Variants in PNPLA3 observed in about 807,000 individuals in gnomAD.
The protein encoded by PNPLA3 is 1-acylglycerol-3-phosphate O-acyltransferase PNPLA3.
A neutral mutation model predicts 43.1 loss-of-function variants in PNPLA3; 42 were observed. The observed-to-expected ratio is 0.97, with a 90% CI of 0.76 to 1.26. The LOEUF is 1.26. Ranked by LOEUF, PNPLA3 falls within the 50% of genes most tolerant of loss-of-function variation. PNPLA3 has a pLI of 0.00. For synonymous variants in PNPLA3, 272 were observed against 253.6 expected, an observed-to-expected ratio of 1.07 and a Z score of -0.69; for missense variants, 647 against 621.4, an observed-to-expected ratio of 1.04 and a Z score of -0.44.
At chr22:43,933,587 T>C (rs2049975659) in intron 4 of PNPLA3, among the ~76,000 whole-genome samples, 1 of 151,940 alleles carries the variant, frequency 6.6e-6, no homozygotes, top group East Asian at 1.9e-4. Context: ...TTGCCCAGGC[T>C]GGTCTCACAC....
Position 43,947,507 on chromosome 22 carries a change from G to T in PNPLA3, c.*1125G>T. On this transcript the variant is annotated 3_prime_UTR_variant, in exon 9 of 9. Coordinates refer to ENST00000216180, the MANE Select transcript of PNPLA3 (RefSeq NM_025225.3). ...CCTGGCTTATTTTCTGCAGGGACCAGCCCCACATGGTCAGTGAGTTTCTCC... is the reference window on the plus strand; with the variant it reads ...CCTGGCTTATTTTCTGCAGGGACCATCCCCACATGGTCAGTGAGTTTCTCC... 6.2e-6 allele frequency: 1 copy of T among 162,356 alleles called. No homozygotes were observed. The highest frequency in any genetic ancestry group is 1.3e-5 in the Non-Finnish European group (1 of 74,678). The allele number at this position is 162,356 out of a possible 1,614,324, so 10.1% of individuals were successfully genotyped here.
intron 7 of PNPLA3, among the ~76,000 whole-genome samples, chr22:43,940,523 A>G (rs1010950811): frequency 6.6e-6 from 1 of 152,228 alleles, no homozygotes; most frequent in African/African-American, 2.4e-5. Flanking sequence ...TTAAAATCAC[A>G]TGAAGGCCGG....
At chr22:43,927,676 G>GGAA (rs1569009410) in intron 2 of PNPLA3, among the ~76,000 whole-genome samples, 1 of 131,362 alleles carries the variant, frequency 7.6e-6, no homozygotes, top group African/African-American at 2.7e-5. Context: ...GGGGGGCGGG[G>GGAA]TACAGAGTCT....
chr22:43,929,337 A>G (rs2049946439), intron 3 of PNPLA3, among the ~76,000 whole-genome samples: 3 of 151,748 alleles, frequency 2.0e-5, no homozygotes, highest in Admixed American at 1.3e-4. Flanking sequence ...TTAGCTGGGC[A>G]TGGTGGTGTG....
intron 7 of PNPLA3, 65 bp from the exon 8 acceptor site, chr22:43,944,626 G>T: frequency 1.5e-6 from 2 of 1,320,250 alleles, no homozygotes; most frequent in Non-Finnish European, 2.2e-6. Context: ...GTAAACAAAG[G>T]GTAGTGTTGT....
chr22:43,938,861 G>T (rs930493859), intron 6 of PNPLA3, among the ~76,000 whole-genome samples: 2 of 152,240 alleles, frequency 1.3e-5, no homozygotes, highest in Non-Finnish European at 2.9e-5. Context: ...TGTAAAGCTG[G>T]TGGTGCCTGA....
Position 43,944,889 on chromosome 22 carries a change from C to T in PNPLA3, c.1217+94C>T, listed in dbSNP as rs1269738505. The T allele has an allele frequency of 2.6e-5, 29 of 1,118,436 alleles. No homozygotes were observed. In the African/African-American group the frequency reaches 2.6e-4, roughly 10 times the overall value. The allele number at this position is 1,118,436 out of a possible 1,614,324, so 69.3% of individuals were successfully genotyped here. On this transcript the variant is annotated intron_variant, in intron 8 of 8. Transcript: ENST00000216180. Reference sequence around the variant, plus strand: ...CATTCTAGAAACAGCTGGCTGAACACCAAGCAAGGAGCTTGCCCTTGGGTG... The same window carrying T: ...CATTCTAGAAACAGCTGGCTGAACATCAAGCAAGGAGCTTGCCCTTGGGTG...
intron 1 of PNPLA3, 85 bp downstream of exon 1, chr22:43,924,183 G>T: frequency 7.5e-7 from 1 of 1,333,590 alleles, no homozygotes; most frequent in Non-Finnish European, 9.7e-7. Flanking sequence ...GGGGTCGCGG[G>T]GCCCTGGAGG....
At chr22:43,944,297 G>A (rs920241278) in intron 7 of PNPLA3, among the ~76,000 whole-genome samples, 7 of 152,116 alleles carry the variant, frequency 4.6e-5, no homozygotes, top group East Asian at 1.9e-4. Context: ...AGGAGGTAGC[G>A]TTCAGACCTC....
chr22:43,944,817 G>T, intron 8 of PNPLA3, 22 bp downstream of exon 8: 1 of 1,598,088 alleles, frequency 6.3e-7, no homozygotes, highest in Non-Finnish European at 8.6e-7. Context: ...GGCTGTGGGT[G>T]TGTGGGCCGG....
intron 3 of PNPLA3, among the ~76,000 whole-genome samples, chr22:43,929,463 G>A (rs1409565840): frequency 2.1e-5 from 3 of 145,436 alleles, no homozygotes; most frequent in South Asian, 4.4e-4. Flanking sequence ...GTGACAGAGC[G>A]AGACTCTATC....
At chr22:43,934,463 GC>G in intron 4 of PNPLA3, 142 bp from the exon 5 acceptor site, 1 of 755,074 alleles carries the variant, frequency 1.3e-6, no homozygotes, top group Non-Finnish European at 2.3e-6. Flanking sequence ...CCTTTGCTCA[GC>G]CCCCAGGTGG....
At chr22:43,926,457 T>C (rs2049922892) in intron 1 of PNPLA3, among the ~76,000 whole-genome samples, 1 of 152,102 alleles carries the variant, frequency 6.6e-6, no homozygotes, top group Non-Finnish European at 1.5e-5. Flanking sequence ...CTGGCCTCTA[T>C]GTGGGGCATG....
intron 6 of PNPLA3, among the ~76,000 whole-genome samples, chr22:43,938,945 A>T (rs554934981): frequency 6.6e-6 from 1 of 152,048 alleles, no homozygotes; most frequent in Non-Finnish European, 1.5e-5. Flanking sequence ...GGTTTTTGAG[A>T]CAGAGTCTCA....
At chr22:43,928,989 C>T in intron 3 of PNPLA3, 100 bp downstream of exon 3, 1 of 1,238,680 alleles carries the variant, frequency 8.1e-7, no homozygotes, top group Admixed American at 1.7e-5. Context: ...ACCTCAGGGT[C>T]TGTCCCATGG....
Position 43,946,519 on chromosome 22 carries a change from T to A in PNPLA3, c.*137T>A, listed in dbSNP as rs2050064553. Reference sequence around the variant, plus strand: ...ATCCCAGCCTCTGAGCTGAGTTGGTTTTATGAAAAGCTAGGAAGCAACCTT... The same window carrying A: ...ATCCCAGCCTCTGAGCTGAGTTGGTATTATGAAAAGCTAGGAAGCAACCTT... On this transcript the variant is annotated 3_prime_UTR_variant, in exon 9 of 9. Coordinates refer to ENST00000216180, the MANE Select transcript of PNPLA3 (RefSeq NM_025225.3). The A allele has an allele frequency of 1.1e-6, 1 of 894,822 alleles. No individual in the cohort carries two copies. The highest frequency in any genetic ancestry group is 2.0e-5 in the Admixed American group (1 of 49,164). The allele number at this position is 894,822 out of a possible 1,614,324, so 55.4% of individuals were successfully genotyped here.
chr22:43,941,284 C>G (rs1169264845), intron 7 of PNPLA3, among the ~76,000 whole-genome samples: 2 of 101,458 alleles, frequency 2.0e-5, no homozygotes, highest in Non-Finnish European at 4.0e-5. Flanking sequence ...CCTAGAACTT[C>G]TTGATTGGGC....
At chr22:43,926,486 G>A (rs1339040529) in intron 1 of PNPLA3, among the ~76,000 whole-genome samples, 1 of 152,154 alleles carries the variant, frequency 6.6e-6, no homozygotes, top group Admixed American at 6.5e-5. Flanking sequence ...GCATGGAGGT[G>A]AGGCCTGCTC....
intron 3 of PNPLA3, among the ~76,000 whole-genome samples, chr22:43,929,481 GA>G (rs1181239456): frequency 0.027 from 1,971 of 73,538 alleles, 34 homozygotes; most frequent in African/African-American, 0.064. Context: ...ATCTCAAAAA[GA>G]AAAAAAAAAA....
Sources: allele counts gnomAD v4.1 joint callset (sites outside exome capture counted in the v4.1 genomes callset), GRCh38; gene constraint gnomAD v4.1.1; transcripts MANE v1.5; gene names NCBI Gene and HGNC (gene_info 2026-07-23, HGNC 2026-07-21).